The following ASAP2 variants were observed in gnomAD, a reference collection of about 807,000 sequenced individuals.
The protein encoded by ASAP2 is arf-GAP with SH3 domain, ANK repeat and PH domain-containing protein 2.
Under a neutral mutation model 131.4 loss-of-function variants are expected in ASAP2, and 45 were observed. That is an observed-to-expected ratio of 0.34 (90% CI 0.27 to 0.44). The LOEUF (loss-of-function observed/expected upper bound fraction) is 0.44. Ranked by LOEUF, ASAP2 falls within the 20% of genes least tolerant of loss-of-function variation. The pLI is 1.00. For synonymous variants in ASAP2, 510 were observed against 503.0 expected, an observed-to-expected ratio of 1.01 and a Z score of -0.19; for missense variants, 1,011 against 1,297.0, an observed-to-expected ratio of 0.78 and a Z score of 3.39.
intron 11 of ASAP2, 64 bp from the exon 12 acceptor site, chr2:9,350,744 T>C: frequency 7.2e-7 from 1 of 1,393,970 alleles, no homozygotes; most frequent in South Asian, 1.2e-5. Context: ...GGATTGATAC[T>C]GTATGATTTT....
chr2:9,228,224 A>G (rs1364630590), intron 1 of ASAP2, among the ~76,000 whole-genome samples: 1 of 152,248 alleles, frequency 6.6e-6, no homozygotes, highest in Admixed American at 6.5e-5. Context: ...ATTATTTATC[A>G]TTGGAATGAA....
Position 9,207,934 on chromosome 2 carries a change from T to C in ASAP2, c.126+704T>C, listed in dbSNP as rs188764445. ...AAAAGGCCTGGTTTTAGTAAAGTGC[T>C]CTCAAGGTGCAAAGTCATCACGCCT... On this transcript the variant is annotated intron_variant, in intron 1 of 27. Coordinates refer to ENST00000281419, the MANE Select transcript of ASAP2 (RefSeq NM_003887.3). This position sits in a 1 kb window ranked among gnomAD's most constrained non-coding sequence, Gnocchi z 4.1. Among the ~76,000 whole-genome samples, 19 of 152,234 alleles carry C rather than the reference T, an allele frequency of 1.2e-4. No individual in the cohort carries two copies. The highest frequency in any genetic ancestry group is 2.4e-4 in the Non-Finnish European group (16 of 68,004).
intron 1 of ASAP2, among the ~76,000 whole-genome samples, chr2:9,242,939 C>G (rs1162504905): frequency 2.0e-5 from 3 of 151,892 alleles, no homozygotes; most frequent in African/African-American, 7.3e-5. Flanking sequence ...AATTTTTGCT[C>G]AAAAAAAGAG....
At chr2:9,306,239 G>T (rs1355549111) in intron 3 of ASAP2, among the ~76,000 whole-genome samples, 2 of 151,328 alleles carry the variant, frequency 1.3e-5, no homozygotes, top group African/African-American at 4.9e-5. Context: ...GTAGTACTGG[G>T]GGTGGAGATA....
At chr2:9,305,251 T>A (rs1359146938) in intron 3 of ASAP2, among the ~76,000 whole-genome samples, 1 of 151,296 alleles carries the variant, frequency 6.6e-6, no homozygotes, top group Admixed American at 6.6e-5. Context: ...GGTATACATA[T>A]TGGTGGAGGG....
intron 2 of ASAP2, among the ~76,000 whole-genome samples, chr2:9,290,495 C>T (rs372919930): frequency 3.1e-3 from 467 of 152,344 alleles, no homozygotes; most frequent in African/African-American, 0.011. Flanking sequence ...CAGGCGTGAG[C>T]CACTGCACCT....
chr2:9,359,304 T>C (rs984385481), intron 15 of ASAP2, among the ~76,000 whole-genome samples: 2 of 152,256 alleles, frequency 1.3e-5, no homozygotes, highest in Non-Finnish European at 2.9e-5. Flanking sequence ...GCCTCCGACT[T>C]CTCCCTACCC....
chr2:9,336,380 A>G (rs2148569931), intron 9 of ASAP2, among the ~76,000 whole-genome samples: 1 of 150,974 alleles, frequency 6.6e-6, no homozygotes, highest in Non-Finnish European at 1.5e-5. Flanking sequence ...GCCTCTGATC[A>G]CCCCAGCCCA....
At chr2:9,271,085 G>A (rs1046872322) in intron 1 of ASAP2, among the ~76,000 whole-genome samples, 6 of 147,604 alleles carry the variant, frequency 4.1e-5, no homozygotes, top group African/African-American at 7.5e-5. Flanking sequence ...GAGCCACCGC[G>A]CCCGGCCCTG....
At chr2:9,385,104 G>A (rs1387739641) in intron 20 of ASAP2, 141 bp from the exon 21 acceptor site, 11 of 621,592 alleles carry the variant, frequency 1.8e-5, no homozygotes, top group Admixed American at 2.8e-5. Context: ...GCAGAGGGGC[G>A]GGGGCTTCAC....
intron 1 of ASAP2, among the ~76,000 whole-genome samples, chr2:9,243,404 G>T (rs1271558170): frequency 6.6e-6 from 1 of 152,132 alleles, no homozygotes; most frequent in South Asian, 2.1e-4. Flanking sequence ...CACCGTGCCC[G>T]GCCTAAAGAT....
Position 9,403,384 on chromosome 2 carries a change from A to C in ASAP2, c.*57A>C. ...GTTCCTGTTTCGTTATTGGTACCAA[A>C]ACTCTTGCCAGATAACCAGTTTCAT... On this transcript the variant is annotated 3_prime_UTR_variant, in exon 28 of 28. Coordinates refer to ENST00000281419, the MANE Select transcript of ASAP2 (RefSeq NM_003887.3). 2 of 1,535,768 alleles carry C rather than the reference A, an allele frequency of 1.3e-6. No homozygotes were observed. The highest frequency in any genetic ancestry group is 1.8e-6 in the Non-Finnish European group (2 of 1,111,870).
chr2:9,268,793 C>T lies in ASAP2; in HGVS notation c.127-10524C>T, dbSNP rs991597673. Among the ~76,000 whole-genome samples the T allele has an allele frequency of 6.6e-6, 1 of 152,190 alleles. No individual in the cohort carries two copies. Reference sequence around the variant, plus strand: ...TGGAACGAGGGGAGAGGAGATAGGACGGGAGAGCGGAGCATGCTAGGGCTG... The same window carrying T: ...TGGAACGAGGGGAGAGGAGATAGGATGGGAGAGCGGAGCATGCTAGGGCTG... On this transcript the variant is annotated intron_variant, in intron 1 of 27. Coordinates refer to ENST00000281419, the MANE Select transcript of ASAP2 (RefSeq NM_003887.3). This position sits in a 1 kb window ranked among gnomAD's most constrained non-coding sequence, Gnocchi z 4.1.
At chr2:9,250,469 G>T (rs1664628539) in intron 1 of ASAP2, among the ~76,000 whole-genome samples, 1 of 152,176 alleles carries the variant, frequency 6.6e-6, no homozygotes, top group African/African-American at 2.4e-5. Flanking sequence ...CCTTGGGTGG[G>T]AATTGGGACC....
Position 9,374,884 on chromosome 2 carries a change from G to C in ASAP2, c.1686G>C (p.Leu562Phe), listed in dbSNP as rs1572579005. The change falls in exon 17 of 28, where the codon TTG (leucine) becomes TTC (phenylalanine). Residue 562 changes from leucine to phenylalanine, a missense_variant. Leu to Phe is a conservative substitution (Grantham distance 22). Transcript: ENST00000281419. ...EAVKTRDIFG[L>F]LQAYADGVDL... ...TCAAAACGAGAGATATTTTTGGATT[G>C]CTCCAAGCTTATGCTGATGGTGTGG... The C allele has an allele frequency of 1.2e-6, 2 of 1,613,840 alleles. No individual in the cohort carries two copies. Among genetic ancestry groups the C allele is most frequent in the Admixed American group, 1.7e-5 (1 of 59,976 alleles).
At chr2:9,249,445 G>T (rs993253414) in intron 1 of ASAP2, among the ~76,000 whole-genome samples, 1 of 152,226 alleles carries the variant, frequency 6.6e-6, no homozygotes, top group African/African-American at 2.4e-5. Flanking sequence ...ACTTGGGCTT[G>T]TTCTTTGCTC....
intron 3 of ASAP2, among the ~76,000 whole-genome samples, chr2:9,317,088 C>A: frequency 8.5e-6 from 1 of 117,070 alleles, no homozygotes. Context: ...CATCCACACA[C>A]ACACTCAACC....
At chr2:9,249,632 A>AGC (rs1474759784) in intron 1 of ASAP2, among the ~76,000 whole-genome samples, 4 of 152,204 alleles carry the variant, frequency 2.6e-5, no homozygotes, top group African/African-American at 4.8e-5. Context: ...AGCAGGGTGG[A>AGC]GCACCCACAC....
intron 1 of ASAP2, among the ~76,000 whole-genome samples, chr2:9,261,823 G>A (rs1161415403): frequency 6.6e-6 from 1 of 152,200 alleles, no homozygotes; most frequent in African/African-American, 2.4e-5. Flanking sequence ...TAGGTGAGGA[G>A]GGGATGGGTG....
Sources: gnomAD v4.1 joint callset for allele counts (sites outside exome capture counted in the v4.1 genomes callset) on GRCh38, gnomAD v4.1.1 for gene constraint, Gnocchi (gnomAD v3.1) non-coding constraint, MANE v1.5 for transcripts, NCBI Gene and HGNC (gene_info 2026-07-23, HGNC 2026-07-21) for gene names.